The following SLC22A9 variants were observed in gnomAD, a reference collection of about 807,000 sequenced individuals.
SLC22A9 encodes solute carrier family 22 member 9.
SLC22A9 carries 64 observed loss-of-function variants against 50.1 expected under a neutral mutation model. The ratio of observed to expected loss-of-function variants is 1.28; its 90% CI spans 1.04 to 1.57. SLC22A9 has a LOEUF of 1.57. Ranked by LOEUF, SLC22A9 falls within the 40% of genes most tolerant of loss-of-function variation. The pLI is 0.00. For synonymous variants in SLC22A9, 261 were observed against 242.5 expected (o/e 1.08, Z -0.71); for missense variants, 757 against 676.1 (o/e 1.12, Z -1.33).
rs2015115302 is a variant in SLC22A9 at position 63,410,152 on chromosome 11, G to T, written c.*290G>T. On this transcript the variant is annotated 3_prime_UTR_variant, in exon 10 of 10. Coordinates refer to ENST00000279178, the MANE Select transcript of SLC22A9 (RefSeq NM_080866.3). ...AGCTACTTGGGAGGCTGAGGCAGGA[G>T]AATTACTTGAACCCAGGAGGTGGAA... is the stretch of plus-strand genomic sequence containing the variant. The T allele has an allele frequency of 1.7e-5, 3 of 178,608 alleles. No individual in the cohort carries two copies. The highest frequency in any genetic ancestry group is 1.2e-4 in the South Asian group (1 of 8,504). 11.1% of individuals were successfully genotyped at this position (178,608 alleles called of 1,614,324 possible).
At chr11:63,377,370 C>T (rs1299820292) in intron 5 of SLC22A9, among the ~76,000 whole-genome samples, 1 of 151,970 alleles carries the variant, frequency 6.6e-6, no homozygotes, top group African/African-American at 2.4e-5. Context: ...TGGACCACAA[C>T]ACAATAAAAG....
At chr11:63,387,822 CTTACA>C (rs2014695437) in intron 6 of SLC22A9, among the ~76,000 whole-genome samples, 1 of 151,982 alleles carries the variant, frequency 6.6e-6, no homozygotes, top group East Asian at 1.9e-4. Flanking sequence ...TCTTCAATTT[CTTACA>C]TTAATGTTTT....
chr11:63,402,863 C>T (rs369684037), intron 6 of SLC22A9, among the ~76,000 whole-genome samples: 26 of 152,106 alleles, frequency 1.7e-4, no homozygotes, highest in African/African-American at 6.3e-4. Context: ...ACTAAAATTC[C>T]CATAAACACT....
chr11:63,375,770 T>A lies in SLC22A9; in HGVS notation c.954+2T>A. The A allele has an allele frequency of 6.2e-7, 1 of 1,611,028 alleles. No homozygotes were observed. Among genetic ancestry groups the A allele is most frequent in the Non-Finnish European group, 8.5e-7 (1 of 1,178,154 alleles). On this transcript the variant is annotated splice_donor_variant, in intron 5 of 9. Coordinates refer to ENST00000279178, the MANE Select transcript of SLC22A9 (RefSeq NM_080866.3). LOFTEE classifies it high-confidence loss of function. ...GCCAGAGACACCCTAACCCTGGAGG[T>A]GAGCTGGATGGGAGCTAGATATGGG...
chr11:63,379,264 T>C (rs1195116920), intron 5 of SLC22A9, among the ~76,000 whole-genome samples: 1 of 152,122 alleles, frequency 6.6e-6, no homozygotes, highest in Non-Finnish European at 1.5e-5. Flanking sequence ...AAACAAGCAA[T>C]GGGGAAAGGA....
chr11:63,397,646 C>A (rs187006587), intron 6 of SLC22A9, among the ~76,000 whole-genome samples: 7 of 152,180 alleles, frequency 4.6e-5, no homozygotes, highest in Non-Finnish European at 7.4e-5. Context: ...GAGGAGTCAT[C>A]TCATGGCCAC....
At chr11:63,378,799 AT>A (rs1448353346) in intron 5 of SLC22A9, among the ~76,000 whole-genome samples, 3 of 152,172 alleles carry the variant, frequency 2.0e-5, no homozygotes, top group Admixed American at 6.6e-5. Flanking sequence ...ATACCTAAGA[AT>A]ATAGCTAGCT....
intron 1 of SLC22A9, among the ~76,000 whole-genome samples, chr11:63,370,868 A>C (rs1348189313): frequency 6.6e-6 from 1 of 152,192 alleles, no homozygotes; most frequent in Non-Finnish European, 1.5e-5. Flanking sequence ...AAAAGTTTTT[A>C]AAGGTCTTCA....
chr11:63,373,881 T>TA lies in SLC22A9; in HGVS notation c.662-13_662-12insA. 6.2e-7 allele frequency: 1 copy of TA among 1,611,640 alleles called. No individual in the cohort carries two copies. The highest frequency in any genetic ancestry group is 1.3e-5 in the African/African-American group (1 of 74,914). On this transcript the variant is annotated splice_polypyrimidine_tract_variant and intron_variant, in intron 3 of 9. Coordinates refer to ENST00000279178, the MANE Select transcript of SLC22A9 (RefSeq NM_080866.3). ...ACCTTTGAAGTCAAAGCCTTATCTG[T>TA]TTTTTCTTCCAGTAGCCGAGTGGGC...
intron 6 of SLC22A9, among the ~76,000 whole-genome samples, chr11:63,383,043 G>C (rs1049656189): frequency 9.2e-5 from 14 of 152,154 alleles, no homozygotes; most frequent in Non-Finnish European, 1.5e-4. Flanking sequence ...ACTGGTATTT[G>C]TCTCACCTCA....
At position 63,406,582 on chromosome 11, in the gene SLC22A9, G is replaced by T; in HGVS notation, c.1159G>T (p.Gly387Cys). The change falls in exon 7 of 10, where the codon GGT becomes TGT. Residue 387 changes from glycine (G) to cysteine (C), a missense_variant. Coordinates refer to ENST00000279178, the MANE Select transcript of SLC22A9 (RefSeq NM_080866.3). The part of the protein sequence containing the change: ...NNVFLLQTLF[G>C]AVILLANCVA... ...TGTTTTCCTGTTGCAGACTCTCTTT[G>T]GTGCAGTCATCCTCCTGGCCAACTG... 6.2e-7 allele frequency: 1 copy of T among 1,613,804 alleles called. No homozygotes were observed. The highest frequency in any genetic ancestry group is 8.5e-7 in the Non-Finnish European group (1 of 1,179,828).
At chr11:63,399,663 A>G (rs935862472) in intron 6 of SLC22A9, among the ~76,000 whole-genome samples, 4 of 152,176 alleles carry the variant, frequency 2.6e-5, no homozygotes, top group African/African-American at 4.8e-5. Context: ...CAAAAAAGAA[A>G]CATTGGACTT....
At chr11:63,405,576 T>C (rs1216474335) in intron 6 of SLC22A9, among the ~76,000 whole-genome samples, 1 of 152,210 alleles carries the variant, frequency 6.6e-6, no homozygotes, top group Non-Finnish European at 1.5e-5. Context: ...TGTTGCATTC[T>C]GGATTTACTA....
intron 4 of SLC22A9, 30 bp from the exon 5 acceptor site, chr11:63,375,615 G>A (rs755920833): frequency 3.1e-6 from 5 of 1,599,316 alleles, no homozygotes; most frequent in East Asian, 4.5e-5. Flanking sequence ...AGTGAAAGTC[G>A]ACTGCCCCTC....
Position 63,370,125 on chromosome 11 carries a change from T to C in SLC22A9, c.69T>C (p.Phe23=), listed in dbSNP as rs191254812. Residue 23 remains phenylalanine (F), a synonymous_variant, in exon 1 of 10, where the codon TTT becomes TTC. Transcript: ENST00000279178. ...LWRFQILQTV[F]LSIFAVATYL... is the part of the protein sequence containing the mutation. ...GATTCCAGATCCTTCAGACTGTTTT[T>C]CTCTCAATCTTTGCTGTTGCTACAT... 20 of 1,614,014 alleles carry C rather than the reference T, an allele frequency of 1.2e-5. No individual in the cohort carries two copies. In the East Asian group the frequency reaches 4.0e-4, roughly 32 times the overall value.
chr11:63,385,064 T>A (rs1273842122), intron 6 of SLC22A9, among the ~76,000 whole-genome samples: 1 of 17,930 alleles, frequency 5.6e-5, no homozygotes, highest in Non-Finnish European at 1.4e-4. Context: ...GATGCAAAAA[T>A]TTTTCCCACT....
chr11:63,375,993 G>A (rs1324627284), intron 5 of SLC22A9, among the ~76,000 whole-genome samples: 2 of 152,086 alleles, frequency 1.3e-5, no homozygotes, highest in East Asian at 1.9e-4. Flanking sequence ...TTTACTCAAT[G>A]GAGGCAGAGG....
chr11:63,372,134 G>A (rs1299559299), intron 2 of SLC22A9, among the ~76,000 whole-genome samples: 2 of 152,118 alleles, frequency 1.3e-5, no homozygotes, highest in Non-Finnish European at 2.9e-5. Context: ...GTAAAAGAAG[G>A]GGTAGGAGAT....
At chr11:63,392,004 A>G (rs1413628428) in intron 6 of SLC22A9, among the ~76,000 whole-genome samples, 1 of 152,048 alleles carries the variant, frequency 6.6e-6, no homozygotes, top group Non-Finnish European at 1.5e-5. Context: ...TGAGGTTACC[A>G]TGAGGCTTGC....
Sources: gnomAD v4.1 joint callset for allele counts (sites outside exome capture counted in the v4.1 genomes callset) on GRCh38, gnomAD v4.1.1 for gene constraint, MANE v1.5 for transcripts, NCBI Gene and HGNC (gene_info 2026-07-23, HGNC 2026-07-21) for gene names.